The following ZC3H8 variants were observed in gnomAD, a reference collection of about 807,000 sequenced individuals.
ZC3H8 encodes the protein zinc finger CCCH domain-containing protein 8.
A neutral mutation model predicts 42.5 loss-of-function variants in ZC3H8; 27 were observed. That is an observed-to-expected ratio of 0.64 (90% confidence interval 0.47 to 0.88). ZC3H8 has a LOEUF of 0.88. ZC3H8 is among the 40% of genes least tolerant of loss of function. The pLI is 0.00. For missense variants in ZC3H8, 277 were observed against 336.1 expected (o/e 0.82, Z 1.37); for synonymous variants, 101 against 110.1 (o/e 0.92, Z 0.52).
intron 1 of ZC3H8, chr2:112,254,222 G>A (rs1200109869): frequency 2.1e-5 from 19 of 896,344 alleles, no homozygotes; most frequent in Non-Finnish European, 2.4e-5. Context: ...AAAGACGTAG[G>A]TTTAAGAACA....
intron 8 of ZC3H8, among the ~76,000 whole-genome samples, chr2:112,219,068 A>G (rs1428365401): frequency 1.3e-5 from 2 of 152,228 alleles, no homozygotes; most frequent in Non-Finnish European, 2.9e-5. Flanking sequence ...TCAAATTCAA[A>G]TTGATGTTTT....
rs773587175 is a variant in ZC3H8, at chr2:112,214,678, A to C, written c.*1806T>G. ...GAACGGCACAGTGGGGGCGTGGCTG[A>C]AGCAGTATACTCGGAAATCTGCTCT... On this transcript the variant is annotated 3_prime_UTR_variant, in exon 9 of 9. Coordinates refer to ENST00000409573, the MANE Select transcript of ZC3H8 (RefSeq NM_032494.3). 6 of 152,118 alleles carry C rather than the reference A, an allele frequency of 3.9e-5. No homozygotes were observed. The highest frequency in any genetic ancestry group is 7.3e-5 in the Non-Finnish European group (5 of 68,096). 9.4% of individuals were successfully genotyped at this position (152,118 alleles called of 1,614,324 possible). A position where few individuals can be genotyped will look rare whatever the true frequency, so the allele number is the denominator to read the frequency against.
chr2:112,241,140 T>C (rs774355830), intron 2 of ZC3H8, among the ~76,000 whole-genome samples: 1 of 152,040 alleles, frequency 6.6e-6, no homozygotes, highest in Non-Finnish European at 1.5e-5. Flanking sequence ...GAAATGGGGC[T>C]ATAAATGAGA....
intron 3 of ZC3H8, among the ~76,000 whole-genome samples, chr2:112,237,176 G>A (rs1208580437): frequency 6.6e-6 from 1 of 152,092 alleles, no homozygotes; most frequent in Non-Finnish European, 1.5e-5. Flanking sequence ...TGGGACTAAG[G>A]GACCAAAAAG....
chr2:112,239,855 G>A (rs1685510248), intron 2 of ZC3H8, among the ~76,000 whole-genome samples: 1 of 152,116 alleles, frequency 6.6e-6, no homozygotes, highest in Non-Finnish European at 1.5e-5. Flanking sequence ...AAAGTGCTAG[G>A]ATTACAGCCA....
At chr2:112,245,161 G>C (rs900556538) in intron 2 of ZC3H8, among the ~76,000 whole-genome samples, 1 of 152,248 alleles carries the variant, frequency 6.6e-6, no homozygotes, top group Non-Finnish European at 1.5e-5. Context: ...TGCTGATACA[G>C]AGAAATTGTA....
At chr2:112,223,243 A>G (rs912399680) in intron 8 of ZC3H8, among the ~76,000 whole-genome samples, 1 of 152,170 alleles carries the variant, frequency 6.6e-6, no homozygotes, top group Non-Finnish European at 1.5e-5. Flanking sequence ...TGTACCCTAG[A>G]ACTTAAAGTA....
intron 2 of ZC3H8, among the ~76,000 whole-genome samples, chr2:112,247,483 G>A (rs148722767): frequency 6.6e-6 from 1 of 152,306 alleles, no homozygotes; most frequent in East Asian, 1.9e-4. Flanking sequence ...GGAGGCTGAG[G>A]CAGGAGAATT....
intron 1 of ZC3H8, chr2:112,254,110 G>C (rs1686045805): frequency 1.0e-6 from 1 of 984,540 alleles, no homozygotes; most frequent in Non-Finnish European, 1.2e-6. Context: ...GTAAAGCTCT[G>C]GATGATCAGT....
At chr2:112,219,742 TTC>T (rs1031578950) in intron 8 of ZC3H8, among the ~76,000 whole-genome samples, 2 of 152,102 alleles carry the variant, frequency 1.3e-5, no homozygotes, top group Non-Finnish European at 2.9e-5. Flanking sequence ...AGAATGTACA[TTC>T]TGTTTTTGGG....
intron 8 of ZC3H8, among the ~76,000 whole-genome samples, chr2:112,223,902 G>A (rs1185412703): frequency 1.3e-5 from 2 of 152,178 alleles, no homozygotes; most frequent in African/African-American, 4.8e-5. Context: ...CAGCACTTTG[G>A]GAGGCCAAGG....
In ZC3H8 at chr2:112,236,679, A is replaced by AT. The variant is rs750201762; in HGVS notation, c.386dup (p.Asn129LysfsTer2). On this transcript the variant is annotated frameshift_variant, in exon 4 of 9. Coordinates refer to ENST00000409573, the MANE Select transcript of ZC3H8 (RefSeq NM_032494.3). LOFTEE classifies it high-confidence loss of function. The stretch of plus-strand genomic sequence containing the variant: ...TCTTGTGACCAGCTTTAAGATTTTT[A>AT]TTTTTTTGTTTAGCAGCTAAAAACA... 1.1e-5 allele frequency: 17 copies of AT among 1,610,742 alleles called. No individual in the cohort carries two copies. Among genetic ancestry groups the AT allele is most frequent in the Admixed American group, 1.7e-5 (1 of 59,272 alleles).
intron 8 of ZC3H8, among the ~76,000 whole-genome samples, chr2:112,227,521 T>C (rs1227443761): frequency 2.0e-5 from 3 of 152,278 alleles, no homozygotes; most frequent in East Asian, 3.9e-4. Context: ...AGCAAGACTT[T>C]GTCTCAAAAA....
intron 2 of ZC3H8, among the ~76,000 whole-genome samples, chr2:112,247,025 G>A (rs2104668747): frequency 6.6e-6 from 1 of 152,296 alleles, no homozygotes; most frequent in African/African-American, 2.4e-5. Context: ...ATGACTCGCT[G>A]ACTGTTAACA....
At chr2:112,242,716 C>T (rs935279586) in intron 2 of ZC3H8, among the ~76,000 whole-genome samples, 1 of 152,140 alleles carries the variant, frequency 6.6e-6, no homozygotes, top group Non-Finnish European at 1.5e-5. Flanking sequence ...CAGTATTAAG[C>T]ATTCACCACA....
intron 2 of ZC3H8, among the ~76,000 whole-genome samples, chr2:112,247,140 T>A (rs894266053): frequency 3.3e-5 from 5 of 152,248 alleles, no homozygotes; most frequent in African/African-American, 1.2e-4. Context: ...GTAACTTTTA[T>A]ATGCACTGGG....
intron 3 of ZC3H8, among the ~76,000 whole-genome samples, chr2:112,237,141 T>C (rs896620543): frequency 6.6e-6 from 1 of 152,190 alleles, no homozygotes; most frequent in African/African-American, 2.4e-5. Context: ...ACTGGCATGA[T>C]AGTGATCAGT....
rs976915004 is a variant in ZC3H8, at chr2:112,212,030, A to G, written c.*4454T>C. The G allele has an allele frequency of 1.3e-5, 2 of 152,218 alleles. No homozygotes were observed. Among genetic ancestry groups the G allele is most frequent in the African/African-American group, 2.4e-5 (1 of 41,452 alleles). The allele number at this position is 152,218 out of a possible 1,614,324, so 9.4% of individuals were successfully genotyped here. A position where few individuals can be genotyped will look rare whatever the true frequency, so the allele number is the denominator to read the frequency against. ...CCATTTGGGCTATTATAACAAAAAT[A>G]CCACAGACTAGGTGGCTTAAACAAC... On this transcript the variant is annotated 3_prime_UTR_variant, in exon 9 of 9. Transcript: ENST00000409573.
At chr2:112,225,262 T>A (rs2104646847) in intron 8 of ZC3H8, among the ~76,000 whole-genome samples, 1 of 152,034 alleles carries the variant, frequency 6.6e-6, no homozygotes, top group Admixed American at 6.5e-5. Flanking sequence ...CTAACAAAAA[T>A]ATGCAACCCA....
Sources: gnomAD v4.1 joint callset for allele counts (sites outside exome capture counted in the v4.1 genomes callset) on GRCh38, gnomAD v4.1.1 for gene constraint, MANE v1.5 for transcripts, NCBI Gene and HGNC (gene_info 2026-07-23, HGNC 2026-07-21) for gene names.